MB21D2: variants seen among roughly 807,000 people sequenced by gnomAD.
MB21D2 encodes Mab-21 domain containing 2, also known as nucleotidyltransferase MB21D2.
A neutral mutation model predicts 33.3 loss-of-function variants in MB21D2; 9 were observed. The observed-to-expected ratio is 0.27, with a 90% CI of 0.16 to 0.47. The LOEUF (loss-of-function observed/expected upper bound fraction) is 0.47, where lower values mean the gene tolerates loss of function less well. Ranked by LOEUF, MB21D2 falls within the 20% of genes least tolerant of loss-of-function variation. The pLI, the probability that MB21D2 is intolerant of heterozygous loss-of-function variation, is 0.99. For missense variants in MB21D2, 540 were observed against 624.6 expected (o/e 0.86, Z 1.44); for synonymous variants, 241 against 236.3 (o/e 1.02, Z -0.18).
At chr3:192,832,479 C>A (rs1712336161) in intron 1 of MB21D2, among the ~76,000 whole-genome samples, 1 of 152,148 alleles carries the variant, frequency 6.6e-6, no homozygotes. Flanking sequence ...ATTTAAAAAT[C>A]TGCATAATAA....
At chr3:192,801,382 C>T (rs1463296267) in intron 1 of MB21D2, among the ~76,000 whole-genome samples, 1 of 152,206 alleles carries the variant, frequency 6.6e-6, no homozygotes, top group Non-Finnish European at 1.5e-5. Context: ...ATAGTTTGCT[C>T]TTCATAGGAC....
At chr3:192,815,302 T>C (rs1478747757) in intron 1 of MB21D2, among the ~76,000 whole-genome samples, 1 of 152,184 alleles carries the variant, frequency 6.6e-6, no homozygotes, top group Non-Finnish European at 1.5e-5. Context: ...GCACTGAACC[T>C]GGCACAGGTG....
intron 1 of MB21D2, among the ~76,000 whole-genome samples, chr3:192,816,057 T>G (rs1353997833): frequency 1.3e-5 from 2 of 152,080 alleles, no homozygotes; most frequent in African/African-American, 4.8e-5. Flanking sequence ...TCACACAGTT[T>G]GAATAGAGGT....
chr3:192,917,532 CCCAGAAGGGAAGAGGT>C, intron 1 of MB21D2, 82 bp downstream of exon 1: 1 of 1,342,452 alleles, frequency 7.4e-7, no homozygotes, highest in Non-Finnish European at 1.0e-6. Context: ...GGGAAGGCAA[CCCAGAAGGGAAGAGGT>C]CGAGAAGCGG....
chr3:192,897,772 A>C (rs749014555), intron 1 of MB21D2, among the ~76,000 whole-genome samples: 2 of 152,112 alleles, frequency 1.3e-5, no homozygotes, highest in Non-Finnish European at 2.9e-5. Context: ...CAGGAGGATC[A>C]CTTGAGCCCA....
At chr3:192,861,011 T>C (rs1487855007) in intron 1 of MB21D2, among the ~76,000 whole-genome samples, 1 of 152,252 alleles carries the variant, frequency 6.6e-6, no homozygotes, top group Non-Finnish European at 1.5e-5. Context: ...CTGGTTTAGG[T>C]GGACACACAA....
At chr3:192,883,875 T>A (rs985525868) in intron 1 of MB21D2, among the ~76,000 whole-genome samples, 1 of 151,964 alleles carries the variant, frequency 6.6e-6, no homozygotes, top group African/African-American at 2.4e-5. Context: ...AACAGGGGAG[T>A]CTTTTAGTCA....
chr3:192,890,550 A>T (rs2108646786), intron 1 of MB21D2, among the ~76,000 whole-genome samples: 1 of 151,798 alleles, frequency 6.6e-6, no homozygotes, highest in East Asian at 1.9e-4. Flanking sequence ...GTATAGAAAA[A>T]GTCTGATGCA....
At chr3:192,884,548 T>C (rs1577195831) in intron 1 of MB21D2, among the ~76,000 whole-genome samples, 1 of 145,722 alleles carries the variant, frequency 6.9e-6, no homozygotes, top group Admixed American at 6.8e-5. Flanking sequence ...TTGTATTTTT[T>C]AGTAGAGACG....
rs150278022 is a variant in MB21D2 at position 192,865,005 on chromosome 3, T to C, written c.211+52625A>G. Among the ~76,000 whole-genome samples, 568 of 152,320 alleles carry C rather than the reference T, an allele frequency of 3.7e-3. 2 individuals carry two copies. Among genetic ancestry groups the C allele is most frequent in the African/African-American group, 0.013 (549 of 41,574 alleles). ...CAGACAGAAGACATCTCAGATGGTT[T>C]TCCCTCACCCCCAACAGATTTTTAA... On this transcript the variant is annotated intron_variant, in intron 1 of 1. Transcript: ENST00000392452.
intron 1 of MB21D2, among the ~76,000 whole-genome samples, chr3:192,912,406 C>T (rs1346438823): frequency 1.3e-5 from 2 of 152,294 alleles, no homozygotes; most frequent in East Asian, 3.9e-4. Flanking sequence ...TGGTGGCTTA[C>T]GCCTGTAATC....
chr3:192,859,575 T>C (rs879704687), intron 1 of MB21D2, among the ~76,000 whole-genome samples: 1 of 152,182 alleles, frequency 6.6e-6, no homozygotes, highest in Non-Finnish European at 1.5e-5. Flanking sequence ...CTGAGTAAAC[T>C]AAGGGCTCTG....
At chr3:192,913,502 C>A (rs908023579) in intron 1 of MB21D2, among the ~76,000 whole-genome samples, 3 of 152,020 alleles carry the variant, frequency 2.0e-5, no homozygotes, top group Non-Finnish European at 4.4e-5. Flanking sequence ...TTCTGAAAAA[C>A]AATGCTTACT....
intron 1 of MB21D2, among the ~76,000 whole-genome samples, chr3:192,828,856 AGC>A (rs1457295929): frequency 6.6e-6 from 1 of 150,924 alleles, no homozygotes; most frequent in Non-Finnish European, 1.5e-5. Flanking sequence ...TCACCGTGTT[AGC>A]CAGGATGATC....
chr3:192,800,145 C>T (rs1229790708), intron 1 of MB21D2, among the ~76,000 whole-genome samples: 2 of 152,250 alleles, frequency 1.3e-5, no homozygotes, highest in South Asian at 2.1e-4. Flanking sequence ...AGGCTCTTTG[C>T]GCTTACACTC....
chr3:192,851,308 C>T (rs1712797712), intron 1 of MB21D2, among the ~76,000 whole-genome samples: 1 of 151,986 alleles, frequency 6.6e-6, no homozygotes, highest in Admixed American at 6.6e-5. Flanking sequence ...TAGGCAAATC[C>T]ATAGATTCAG....
chr3:192,865,614 T>C (rs1713150533), intron 1 of MB21D2, among the ~76,000 whole-genome samples: 2 of 152,044 alleles, frequency 1.3e-5, no homozygotes, highest in South Asian at 2.1e-4. Context: ...AAGGATAAAG[T>C]GAGAATTGAA....
At chr3:192,834,880 G>A (rs1460252121) in intron 1 of MB21D2, among the ~76,000 whole-genome samples, 2 of 143,858 alleles carry the variant, frequency 1.4e-5, no homozygotes, top group African/African-American at 5.3e-5. Context: ...CACGATCTCA[G>A]CTCACTGCAA....
At chr3:192,901,089 C>G (rs2367140) in intron 1 of MB21D2, among the ~76,000 whole-genome samples, 80,234 of 151,696 alleles carry the variant, frequency 0.53, 21,401 homozygotes, top group Non-Finnish European at 0.54. Flanking sequence ...AGGTGAACGG[C>G]CCGAGATGGC....
Sources: gnomAD v4.1 joint callset for allele counts (sites outside exome capture counted in the v4.1 genomes callset) on GRCh38, gnomAD v4.1.1 for gene constraint, MANE v1.5 for transcripts, NCBI Gene and HGNC (gene_info 2026-07-23, HGNC 2026-07-21) for gene names.